The following CCBE1 variants were observed in gnomAD, a reference collection of about 807,000 sequenced individuals.
CCBE1 encodes the protein collagen and calcium binding EGF domains 1.
A neutral mutation model predicts 50.0 loss-of-function variants in CCBE1; 37 were observed. The ratio of observed to expected loss-of-function variants is 0.74; its 90% CI spans 0.57 to 0.97. CCBE1 has a LOEUF of 0.97. Ranked by LOEUF, CCBE1 falls within the 50% of genes least tolerant of loss-of-function variation. CCBE1 has a pLI of 0.00. For synonymous variants in CCBE1, 234 were observed against 203.7 expected (o/e 1.15, Z -1.27); for missense variants, 538 against 523.8 (o/e 1.03, Z -0.26).
intron 2 of CCBE1, among the ~76,000 whole-genome samples, chr18:59,649,654 C>T (rs970731388): frequency 6.6e-6 from 1 of 152,036 alleles, no homozygotes; most frequent in African/African-American, 2.4e-5. Flanking sequence ...GAATCCAAAG[C>T]CCATGCTCTT....
At chr18:59,508,961 G>A (rs1914012099) in intron 2 of CCBE1, among the ~76,000 whole-genome samples, 1 of 152,124 alleles carries the variant, frequency 6.6e-6, no homozygotes, top group Admixed American at 6.5e-5. Context: ...TTAATAGTAT[G>A]CAGCCCACAG....
Position 59,435,531 on chromosome 18 carries a change from A to T in CCBE1, c.*377T>A, listed in dbSNP as rs909291474. The T allele has an allele frequency of 9.7e-6, 3 of 308,286 alleles. No individual in the cohort carries two copies. The highest frequency in any genetic ancestry group is 1.9e-5 in the Non-Finnish European group (3 of 160,916). 19.1% of individuals were successfully genotyped at this position (308,286 alleles called of 1,614,324 possible). On this transcript the variant is annotated 3_prime_UTR_variant, in exon 11 of 11. Transcript: ENST00000439986. ...GTAGCCTCACATTTTCTTAGAGCTC[A>T]CTTTGTCATTTTCCCCCTTTTGATA... is the stretch of plus-strand genomic sequence containing the variant.
intron 2 of CCBE1, among the ~76,000 whole-genome samples, chr18:59,584,233 A>G (rs2053140279): frequency 6.6e-6 from 1 of 151,948 alleles, no homozygotes; most frequent in Admixed American, 6.5e-5. Flanking sequence ...CATCATTCTC[A>G]GTAAACTATC....
intron 2 of CCBE1, among the ~76,000 whole-genome samples, chr18:59,682,509 C>G (rs190655640): frequency 1.4e-3 from 215 of 152,220 alleles, no homozygotes; most frequent in African/African-American, 4.9e-3. Context: ...AGACCCCCCC[C>G]TTTAGCATCT....
At chr18:59,503,402 G>A (rs147138774) in intron 2 of CCBE1, among the ~76,000 whole-genome samples, 29 of 152,316 alleles carry the variant, frequency 1.9e-4, no homozygotes, top group Admixed American at 1.9e-3. Flanking sequence ...GTTTAGAGAG[G>A]TTAGGCAACA....
At chr18:59,497,524 T>G (rs1456775237) in intron 2 of CCBE1, among the ~76,000 whole-genome samples, 4 of 152,228 alleles carry the variant, frequency 2.6e-5, no homozygotes, top group African/African-American at 9.6e-5. Context: ...CAGTGTGATT[T>G]GGATTTCACA....
At chr18:59,678,277 G>C (rs2054535839) in intron 2 of CCBE1, among the ~76,000 whole-genome samples, 1 of 152,174 alleles carries the variant, frequency 6.6e-6, no homozygotes, top group Non-Finnish European at 1.5e-5. Flanking sequence ...CTGTGGTGAG[G>C]ACAGAAGGAC....
chr18:59,567,512 G>T, intron 2 of CCBE1, among the ~76,000 whole-genome samples: 1 of 152,226 alleles, frequency 6.6e-6, no homozygotes, highest in East Asian at 1.9e-4. Context: ...AAATCCAGCA[G>T]ACAGCGATGG....
intron 2 of CCBE1, among the ~76,000 whole-genome samples, chr18:59,489,990 T>TTTG (rs1395278110): frequency 2.0e-5 from 3 of 148,912 alleles, no homozygotes; most frequent in Non-Finnish European, 3.0e-5. Flanking sequence ...ATAAGGAGTT[T>TTTG]TTTTTTTTTT....
intron 2 of CCBE1, among the ~76,000 whole-genome samples, chr18:59,582,755 T>C (rs530090940): frequency 6.6e-6 from 1 of 152,244 alleles, no homozygotes; most frequent in Non-Finnish European, 1.5e-5. Context: ...TAATACTCAA[T>C]TTGCTAACTG....
chr18:59,653,459 A>T (rs1413396337), intron 2 of CCBE1, among the ~76,000 whole-genome samples: 1 of 152,242 alleles, frequency 6.6e-6, no homozygotes, highest in African/African-American at 2.4e-5. Flanking sequence ...AACAAATCAC[A>T]TAGCTTAAAG....
At chr18:59,572,024 T>C (rs117215728) in intron 2 of CCBE1, among the ~76,000 whole-genome samples, 2,529 of 152,320 alleles carry the variant, frequency 0.017, 32 homozygotes, top group Non-Finnish European at 0.027. Flanking sequence ...TGATCAAAGA[T>C]TGACACCAAA....
At chr18:59,626,560 G>A (rs143977356) in intron 2 of CCBE1, among the ~76,000 whole-genome samples, 10 of 152,352 alleles carry the variant, frequency 6.6e-5, no homozygotes, top group African/African-American at 2.4e-4. Context: ...AATTTCCCAA[G>A]TGTTAGCTCA....
At chr18:59,668,596 T>G (rs1215968813) in intron 2 of CCBE1, among the ~76,000 whole-genome samples, 1 of 152,108 alleles carries the variant, frequency 6.6e-6, no homozygotes, top group Admixed American at 6.5e-5. Flanking sequence ...AATTGTACTC[T>G]TATCATTGCA....
intron 2 of CCBE1, among the ~76,000 whole-genome samples, chr18:59,610,279 A>G (rs940248426): frequency 6.6e-6 from 1 of 152,160 alleles, no homozygotes; most frequent in East Asian, 1.9e-4. Context: ...TGGGTTTTGG[A>G]TACAAAGTCA....
In CCBE1 at chr18:59,528,871, A is replaced by T. The variant is rs939124009; in HGVS notation, c.213-48633T>A. Among the ~76,000 whole-genome samples, 5 of 152,280 alleles carry T rather than the reference A, an allele frequency of 3.3e-5. No individual in the cohort carries two copies. The South Asian group carries it at 6.2e-4, about 19-fold the overall frequency. ...TCCATCCCAGAGGGGCACTGACCTG[A>T]TGCCAGTGGGAATGCTCCTGTATAA... On this transcript the variant is annotated intron_variant, in intron 2 of 10. Transcript: ENST00000439986.
At chr18:59,477,775 C>T (rs549836669) in intron 3 of CCBE1, among the ~76,000 whole-genome samples, 1 of 152,266 alleles carries the variant, frequency 6.6e-6, no homozygotes, top group Admixed American at 6.5e-5. Context: ...TTTCATGCAG[C>T]ATAGTTGCAG....
At chr18:59,691,397 A>AT (rs1409540399) in intron 2 of CCBE1, among the ~76,000 whole-genome samples, 3 of 5,908 alleles carry the variant, frequency 5.1e-4, no homozygotes, top group Non-Finnish European at 1.3e-3. Flanking sequence ...TCTTCACAAG[A>AT]TTTTTTGTTT....
chr18:59,667,075 A>G (rs926684281), intron 2 of CCBE1, among the ~76,000 whole-genome samples: 2 of 151,920 alleles, frequency 1.3e-5, no homozygotes, highest in African/African-American at 4.8e-5. Context: ...GGAGTTTGAG[A>G]CCAGCCTGGG....
Sources: allele counts gnomAD v4.1 joint callset (sites outside exome capture counted in the v4.1 genomes callset), GRCh38; gene constraint gnomAD v4.1.1; transcripts MANE v1.5; gene names NCBI Gene and HGNC (gene_info 2026-07-23, HGNC 2026-07-21).